The following KIF26B variants were observed in gnomAD, a reference collection of about 807,000 sequenced individuals.
The protein encoded by KIF26B is kinesin-like protein KIF26B.
In KIF26B, 63 loss-of-function variants were observed where a neutral mutation model predicts 151.2. That is an observed-to-expected ratio of 0.42 (90% confidence interval 0.34 to 0.51). KIF26B has a LOEUF of 0.51. Among genes scored for constraint, KIF26B ranks in the 20% least tolerant of loss-of-function variants. The pLI is 0.07. For synonymous variants in KIF26B, 1,357 were observed against 1,262.1 expected (o/e 1.08, Z -1.59); for missense variants, 2,813 against 2,913.6 (o/e 0.97, Z 0.79).
chr1:245,644,094 C>CT (rs2043920562), intron 9 of KIF26B, among the ~76,000 whole-genome samples: 1 of 148,728 alleles, frequency 6.7e-6, no homozygotes, highest in African/African-American at 2.5e-5. Context: ...GTACCACACT[C>CT]TGTCTTCTCC....
At chr1:245,171,424 A>G (rs917012975) in intron 2 of KIF26B, among the ~76,000 whole-genome samples, 2 of 152,118 alleles carry the variant, frequency 1.3e-5, no homozygotes, top group East Asian at 3.9e-4. Context: ...CATGCCTGTA[A>G]TCCCAGCTAC....
At chr1:245,465,676 C>T (rs1242196211) in intron 4 of KIF26B, among the ~76,000 whole-genome samples, 3 of 152,158 alleles carry the variant, frequency 2.0e-5, no homozygotes, top group African/African-American at 2.4e-5. Flanking sequence ...CTGCGTCTAA[C>T]GGAGAGTTTT....
chr1:245,566,378 C>T (rs1215009403), intron 5 of KIF26B, among the ~76,000 whole-genome samples: 1 of 152,198 alleles, frequency 6.6e-6, no homozygotes, highest in Non-Finnish European at 1.5e-5. Context: ...ACCACAGGCT[C>T]CTCACGGATT....
intron 3 of KIF26B, among the ~76,000 whole-genome samples, chr1:245,390,633 C>A (rs1479637868): frequency 6.6e-6 from 1 of 152,082 alleles, no homozygotes; most frequent in Non-Finnish European, 1.5e-5. Context: ...GCCTTTCCCC[C>A]TCTGCCAGTA....
chr1:245,541,139 C>T (rs1189553690), intron 5 of KIF26B, among the ~76,000 whole-genome samples, 189 bp downstream of exon 5: 1 of 152,162 alleles, frequency 6.6e-6, no homozygotes, highest in Admixed American at 6.5e-5. Flanking sequence ...TAAACTAAGA[C>T]CTTCAGATTG....
At chr1:245,552,894 A>C (rs940812198) in intron 5 of KIF26B, among the ~76,000 whole-genome samples, 2 of 152,084 alleles carry the variant, frequency 1.3e-5, no homozygotes, top group Non-Finnish European at 2.9e-5. Context: ...GCCACCGCAC[A>C]CAGCCTCCCT....
rs1331398249 is a variant in KIF26B, at chr1:245,358,632, A to G, written c.466-8202A>G. On this transcript the variant is annotated intron_variant, in intron 2 of 14. Transcript: ENST00000407071. The surrounding 1 kb of genome is among the most constrained non-coding windows in gnomAD (Gnocchi z 4.1). ...AAGCAATTTTATAATTAGATAATTAACAGAATCCTTGATAGCCTTATACTA... is the reference window on the plus strand; with the variant it reads ...AAGCAATTTTATAATTAGATAATTAGCAGAATCCTTGATAGCCTTATACTA... Among the ~76,000 whole-genome samples the G allele has an allele frequency of 6.6e-6, 1 of 152,264 alleles. No individual in the cohort carries two copies. Among genetic ancestry groups the G allele is most frequent in the Non-Finnish European group, 1.5e-5 (1 of 68,048 alleles).
At chr1:245,657,821 C>A (rs988520099) in intron 10 of KIF26B, among the ~76,000 whole-genome samples, 9 of 152,270 alleles carry the variant, frequency 5.9e-5, no homozygotes, top group African/African-American at 1.9e-4. Flanking sequence ...CTTCTTATGT[C>A]TTTGACATGT....
intron 2 of KIF26B, among the ~76,000 whole-genome samples, chr1:245,252,009 A>G (rs1172354573): frequency 6.6e-6 from 1 of 152,166 alleles, no homozygotes; most frequent in Non-Finnish European, 1.5e-5. Flanking sequence ...CTGGTGGCTC[A>G]TGCCTATAAT....
At chr1:245,272,483 T>G (rs951913076) in intron 2 of KIF26B, among the ~76,000 whole-genome samples, 1 of 147,652 alleles carries the variant, frequency 6.8e-6, no homozygotes, top group Admixed American at 6.8e-5. Flanking sequence ...TGGTTGTTTC[T>G]TTTTTCTATT....
rs142657835 is a variant in KIF26B, at chr1:245,358,506, T to C, written c.466-8328T>C. Among the ~76,000 whole-genome samples the C allele has an allele frequency of 9.1e-3, 1,386 of 151,964 alleles. 21 individuals carry two copies. The highest frequency in any genetic ancestry group is 0.04 in the East Asian group (205 of 5,162). ...CTGTACTCCAGCCTGGGCTACAGAGTGAGACTCCGTCTCAAAACAAAACAA... is the reference window on the plus strand; with the variant it reads ...CTGTACTCCAGCCTGGGCTACAGAGCGAGACTCCGTCTCAAAACAAAACAA... On this transcript the variant is annotated intron_variant, in intron 2 of 14. Coordinates refer to ENST00000407071, the MANE Select transcript of KIF26B (RefSeq NM_018012.4). This position sits in a 1 kb window ranked among gnomAD's most constrained non-coding sequence, Gnocchi z 4.1.
In KIF26B at chr1:245,684,230, C is replaced by T. The variant is rs768776388; in HGVS notation, c.2259-3C>T. The T allele has an allele frequency of 1.2e-6, 2 of 1,611,122 alleles. No individual in the cohort carries two copies. The highest frequency in any genetic ancestry group is 1.1e-5 in the South Asian group (1 of 90,938). ...ATGCAGCCTAATTCACTTTGTTTGGCAGAGAGAGCAAGCTCGCCATGTTGC... is the reference window on the plus strand; with the variant it reads ...ATGCAGCCTAATTCACTTTGTTTGGTAGAGAGAGCAAGCTCGCCATGTTGC... On this transcript the variant is annotated splice_region_variant and splice_polypyrimidine_tract_variant and intron_variant, in intron 10 of 14. Transcript: ENST00000407071.
At chr1:245,317,951 G>A (rs76302212) in intron 2 of KIF26B, among the ~76,000 whole-genome samples, 3,808 of 152,208 alleles carry the variant, frequency 0.025, 78 homozygotes, top group Non-Finnish European at 0.039. Context: ...TATGGGGCAC[G>A]CATGGGGATT....
chr1:245,565,436 G>A (rs2043000567), intron 5 of KIF26B, among the ~76,000 whole-genome samples: 1 of 151,988 alleles, frequency 6.6e-6, no homozygotes. Flanking sequence ...CTACAGGCGT[G>A]CACCACCACG....
chr1:245,210,941 C>T (rs950226066), intron 2 of KIF26B, among the ~76,000 whole-genome samples: 2 of 152,150 alleles, frequency 1.3e-5, no homozygotes, highest in Non-Finnish European at 1.5e-5. Flanking sequence ...TTACCACTGG[C>T]GATGTTCTGT....
chr1:245,282,199 C>T (rs1422964339), intron 2 of KIF26B, among the ~76,000 whole-genome samples: 1 of 152,034 alleles, frequency 6.6e-6, no homozygotes, highest in Non-Finnish European at 1.5e-5. Flanking sequence ...AATGCCATCC[C>T]CATGAAGCTA....
At position 245,359,660 on chromosome 1, in the gene KIF26B, C is replaced by CCTTCCTTCCTTCCTTCCT. The variant is rs1558402129; in HGVS notation, c.466-7174_466-7173insCTTCCTTCCTTCCTTCCT. ...CTTCCTTCCTTCCTTCATTCCTTCC[C>CCTTCCTTCCTTCCTTCCT]TCCTTCCCTCCTTTCCTTACTTCCC... On this transcript the variant is annotated intron_variant, in intron 2 of 14. Transcript: ENST00000407071. Among the ~76,000 whole-genome samples the CCTTCCTTCCTTCCTTCCT allele has an allele frequency of 2.7e-3, 405 of 151,216 alleles. 3 individuals carry two copies. Among genetic ancestry groups the CCTTCCTTCCTTCCTTCCT allele is most frequent in the African/African-American group, 8.8e-3 (360 of 41,132 alleles).
chr1:245,519,425 G>A (rs1405189513), intron 4 of KIF26B, among the ~76,000 whole-genome samples: 1 of 151,916 alleles, frequency 6.6e-6, no homozygotes, highest in African/African-American at 2.4e-5. Context: ...GTGATGGTGG[G>A]TGCCTGTAAT....
At chr1:245,577,434 C>G (rs956213799) in intron 5 of KIF26B, among the ~76,000 whole-genome samples, 4 of 152,204 alleles carry the variant, frequency 2.6e-5, no homozygotes, top group African/African-American at 7.2e-5. Flanking sequence ...ACACAGAGCT[C>G]AGAGAATTAG....
Sources: allele counts gnomAD v4.1 joint callset (sites outside exome capture counted in the v4.1 genomes callset), GRCh38; gene constraint gnomAD v4.1.1; non-coding constraint Gnocchi (gnomAD v3.1); transcripts MANE v1.5; gene names NCBI Gene and HGNC (gene_info 2026-07-23, HGNC 2026-07-21).